CSMD2: variants seen among roughly 807,000 people sequenced by gnomAD.
CSMD2 encodes CUB and Sushi multiple domains 2, also known as CUB and sushi domain-containing protein 2.
In CSMD2, 130 loss-of-function variants were observed where a neutral mutation model predicts 398.5. That is an observed-to-expected ratio of 0.33 (90% CI 0.28 to 0.38). The LOEUF (loss-of-function observed/expected upper bound fraction) is 0.38, where lower values mean the gene tolerates loss of function less well. Among genes scored for constraint, CSMD2 ranks in the 10% least tolerant of loss-of-function variants. CSMD2 has a pLI of 1.00. For synonymous variants in CSMD2, 1,828 were observed against 1,908.5 expected (o/e 0.96, Z 1.10); for missense variants, 3,829 against 4,764.9 (o/e 0.80, Z 5.78).
chr1:33,538,802 C>T (rs1179858665), intron 60 of CSMD2, among the ~76,000 whole-genome samples: 1 of 152,078 alleles, frequency 6.6e-6, no homozygotes, highest in Non-Finnish European at 1.5e-5. Flanking sequence ...TGGCACAATC[C>T]ATTATTGATG....
At chr1:34,080,162 T>C (rs980732681) in intron 2 of CSMD2, among the ~76,000 whole-genome samples, 5 of 148,324 alleles carry the variant, frequency 3.4e-5, no homozygotes, top group African/African-American at 1.2e-4. Flanking sequence ...AGGGAATAAC[T>C]ACAATTTTCA....
chr1:33,636,817 A>C lies in CSMD2; in HGVS notation c.4775-263T>G, dbSNP rs922355582. Among the ~76,000 whole-genome samples the C allele has an allele frequency of 1.3e-5, 2 of 152,178 alleles. No homozygotes were observed. Among genetic ancestry groups the C allele is most frequent in the Admixed American group, 6.5e-5 (1 of 15,282 alleles). On this transcript the variant is annotated intron_variant, in intron 29 of 70. Transcript: ENST00000373381. This position sits in a 1 kb window ranked among gnomAD's most constrained non-coding sequence, Gnocchi z 4.8. ...CTTGACCCACAGAGGAAGGAGGCCC[A>C]GCAAAATCGCTGAGGCCCTCTCTCA...
chr1:33,966,146 A>T (rs916617221), intron 3 of CSMD2, among the ~76,000 whole-genome samples: 1 of 152,150 alleles, frequency 6.6e-6, no homozygotes, highest in South Asian at 2.1e-4. Context: ...TGGCTCCCTG[A>T]ACTTCCAGGG....
At chr1:34,129,002 T>TG (rs1663035509) in intron 1 of CSMD2, among the ~76,000 whole-genome samples, 1 of 76,396 alleles carries the variant, frequency 1.3e-5, no homozygotes, top group Admixed American at 1.5e-4. Flanking sequence ...CATACATGTG[T>TG]ACCCCCCCCC....
intron 5 of CSMD2, among the ~76,000 whole-genome samples, chr1:33,848,642 T>A (rs1184039560): frequency 6.6e-6 from 1 of 152,170 alleles, no homozygotes; most frequent in Non-Finnish European, 1.5e-5. Context: ...ACTGAATTCT[T>A]ACTAAATGAA....
chr1:33,860,199 C>T (rs1639388571), intron 5 of CSMD2, among the ~76,000 whole-genome samples: 1 of 152,192 alleles, frequency 6.6e-6, no homozygotes, highest in South Asian at 2.1e-4. Context: ...TCTCTCATTG[C>T]ATTTGTCCTG....
chr1:33,878,872 C>T (rs1641034813), intron 5 of CSMD2, among the ~76,000 whole-genome samples: 1 of 152,206 alleles, frequency 6.6e-6, no homozygotes, highest in Admixed American at 6.5e-5. Flanking sequence ...CTTTGTAGTC[C>T]TATTTGCCAC....
At chr1:33,622,127 CACCCTGA>C (rs1641811337) in intron 37 of CSMD2, 33 bp downstream of exon 37, 1 of 1,486,702 alleles carries the variant, frequency 6.7e-7, no homozygotes, top group African/African-American at 1.4e-5. Flanking sequence ...TTTTAGGTCC[CACCCTGA>C]ACCCTGTACC....
At position 33,519,745 on chromosome 1, in the gene CSMD2, CG is replaced by C; in HGVS notation, c.10736+66del. ...CACAGAGAGGCTTAGGGGTCTGGTG[CG>C]GGGGGCCCTGGAGGGAGAGAGGGAG... On this transcript the variant is annotated intron_variant, in intron 69 of 70. Transcript: ENST00000373381. The surrounding 1 kb of genome is among the most constrained non-coding windows in gnomAD (Gnocchi z 5.6). The C allele has an allele frequency of 6.2e-7, 1 of 1,612,218 alleles. No individual in the cohort carries two copies. Among genetic ancestry groups the C allele is most frequent in the East Asian group, 2.2e-5 (1 of 44,836 alleles).
Position 33,546,209 on chromosome 1 carries a change from C to T in CSMD2, c.8928G>A (p.Val2976=), listed in dbSNP as rs1351606070. The change falls in exon 57 of 71, where the codon GTG becomes GTA. Residue 2976 remains valine (V), a synonymous_variant. Coordinates refer to ENST00000373381, the MANE Select transcript of CSMD2 (RefSeq NM_001281956.2). The part of the protein sequence containing the change: ...GSLPHCSGTS[V]GVCGDPGIPA... ...GGATCCCAGGGTCACCGCAAACTCC[C>T]ACGCTGGTTCCTATGGACCAGAACC... is the stretch of plus-strand genomic sequence containing the variant. 2 of 1,613,310 alleles carry T rather than the reference C, an allele frequency of 1.2e-6. No individual in the cohort carries two copies. The highest frequency in any genetic ancestry group is 2.2e-5 in the South Asian group (2 of 91,040).
In CSMD2 at chr1:33,533,975, C is replaced by T. The variant is rs1655520642; in HGVS notation, c.9880-68G>A. ...GGTGCTTCCTACGTCTGTCCCTTGA[C>T]CACTTTCACATGGCCCAACTCCTCC... On this transcript the variant is annotated intron_variant, in intron 62 of 70. Coordinates refer to ENST00000373381, the MANE Select transcript of CSMD2 (RefSeq NM_001281956.2). The surrounding 1 kb of genome is among the most constrained non-coding windows in gnomAD (Gnocchi z 4.2). 1 of 955,392 alleles carries T rather than the reference C, an allele frequency of 1.0e-6. No homozygotes were observed. Among genetic ancestry groups the T allele is most frequent in the African/African-American group, 1.6e-5 (1 of 62,020 alleles). The allele number at this position is 955,392 out of a possible 1,614,324, so 59.2% of individuals were successfully genotyped here. A position where few individuals can be genotyped will look rare whatever the true frequency, so the allele number is the denominator to read the frequency against.
intron 7 of CSMD2, among the ~76,000 whole-genome samples, chr1:33,824,661 G>A (rs942250353): frequency 1.3e-5 from 2 of 151,966 alleles, no homozygotes; most frequent in African/African-American, 4.8e-5. Context: ...GCACATGGAG[G>A]TGAGATGGAA....
chr1:34,082,670 G>A (rs888760960), intron 2 of CSMD2, among the ~76,000 whole-genome samples: 1 of 152,262 alleles, frequency 6.6e-6, no homozygotes, highest in African/African-American at 2.4e-5. Flanking sequence ...CAGATTGTTA[G>A]TGTGTCTGTG....
At chr1:33,849,029 C>A (rs977450372) in intron 5 of CSMD2, among the ~76,000 whole-genome samples, 40 of 152,224 alleles carry the variant, frequency 2.6e-4, no homozygotes, top group African/African-American at 9.6e-4. Flanking sequence ...GAGACTTCCC[C>A]GGCCTGTGAG....
chr1:33,581,000 T>A, intron 47 of CSMD2, 101 bp from the exon 48 acceptor site: 2 of 1,152,282 alleles, frequency 1.7e-6, no homozygotes, highest in Non-Finnish European at 2.4e-6. Context: ...TTGTTCAGAG[T>A]CAGCAAAATC....
At chr1:33,922,967 A>T (rs1375290142) in intron 4 of CSMD2, among the ~76,000 whole-genome samples, 1 of 152,248 alleles carries the variant, frequency 6.6e-6, no homozygotes. Flanking sequence ...TATGGAATAC[A>T]CTGTGATGTT....
chr1:33,802,841 A>AT (rs989269327), intron 10 of CSMD2, among the ~76,000 whole-genome samples: 3 of 151,526 alleles, frequency 2.0e-5, no homozygotes, highest in Non-Finnish European at 4.4e-5. Flanking sequence ...CTCTGTGCAT[A>AT]TTTTTTCCTA....
At chr1:33,799,683 A>G (rs1236174773) in intron 10 of CSMD2, among the ~76,000 whole-genome samples, 1 of 152,200 alleles carries the variant, frequency 6.6e-6, no homozygotes, top group African/African-American at 2.4e-5. Context: ...TTTTCCTGGA[A>G]TACAGATGTG....
At chr1:33,863,696 T>G (rs2125121408) in intron 5 of CSMD2, 1 of 156,930 alleles carries the variant, frequency 6.4e-6, no homozygotes. Context: ...CCTCCCCATG[T>G]TCATTATGCT....
Sources: gnomAD v4.1 joint callset for allele counts (sites outside exome capture counted in the v4.1 genomes callset) on GRCh38, gnomAD v4.1.1 for gene constraint, Gnocchi (gnomAD v3.1) non-coding constraint, MANE v1.5 for transcripts, NCBI Gene and HGNC (gene_info 2026-07-23, HGNC 2026-07-21) for gene names.